CS: variants seen among roughly 807,000 people sequenced by gnomAD.
CS encodes the protein citrate synthase, mitochondrial.
In CS, 13 loss-of-function variants were observed where a neutral mutation model predicts 61.4. The ratio of observed to expected loss-of-function variants is 0.21; its 90% CI spans 0.14 to 0.34. The LOEUF is 0.34. CS is among the 10% of genes least tolerant of loss of function. The pLI, the probability that CS is intolerant of heterozygous loss-of-function variation, is 1.00. For synonymous variants in CS, 159 were observed against 215.2 expected (o/e 0.74, Z 2.29); for missense variants, 278 against 573.4 (o/e 0.48, Z 5.26).
chr12:56,288,344 G>GA (rs1171647001), intron 1 of CS, among the ~76,000 whole-genome samples: 1 of 144,240 alleles, frequency 6.9e-6, no homozygotes, highest in African/African-American at 2.5e-5. Flanking sequence ...AGGCTTTTTA[G>GA]AATTTTTTTT....
intron 7 of CS, 56 bp from the exon 8 acceptor site, chr12:56,275,187 A>T (rs1245228015): frequency 6.2e-7 from 1 of 1,609,438 alleles, no homozygotes; most frequent in African/African-American, 1.3e-5. Flanking sequence ...AGATTATGGA[A>T]ACTTTGCTGT....
Position 56,295,951 on chromosome 12 carries a change from C to CAAAAAAAAAAA in CS, c.42+4198_42+4208dup, listed in dbSNP as rs71081343. On this transcript the variant is annotated intron_variant, in intron 1 of 10. Coordinates refer to ENST00000351328, the MANE Select transcript of CS (RefSeq NM_004077.3). ...CCTAGGCGACAGAGCGAAACTGTCT[C>CAAAAAAAAAAA]AAAAAAAAAAAAAAAAAAAAAAAAA... Among the ~76,000 whole-genome samples the CAAAAAAAAAAA allele has an allele frequency of 5.1e-3, 205 of 40,536 alleles. 1 individual carries two copies. The highest frequency in any genetic ancestry group is 6.9e-3 in the Non-Finnish European group (179 of 26,020). 26.6% of individuals were successfully genotyped at this position (40,536 alleles called of 152,430 possible).
At position 56,272,023 on chromosome 12, in the gene CS, A is replaced by G. The variant is rs1485611835; in HGVS notation, c.*1061T>C. 4.8e-6 allele frequency: 2 copies of G among 414,408 alleles called. No homozygotes were observed. Among genetic ancestry groups the G allele is most frequent in the African/African-American group, 4.1e-5 (2 of 48,534 alleles). 25.7% of individuals were successfully genotyped at this position (414,408 alleles called of 1,614,324 possible). On this transcript the variant is annotated 3_prime_UTR_variant, in exon 11 of 11. Transcript: ENST00000351328. The stretch of plus-strand genomic sequence containing the variant: ...TGATAAATAAGGAGGCAATTTCTTG[A>G]GGCAGGGGACGAGGAGGGAGGCTTA...
chr12:56,290,619 T>C (rs1393466137), intron 1 of CS, among the ~76,000 whole-genome samples: 1 of 152,154 alleles, frequency 6.6e-6, no homozygotes. Flanking sequence ...CAGCAATTCA[T>C]TGGTAAGATT....
In CS at chr12:56,273,061, T is replaced by A. The variant is rs754399171; in HGVS notation, c.*23A>T. 9 of 1,576,408 alleles carry A rather than the reference T, an allele frequency of 5.7e-6. No homozygotes were observed. The highest frequency in any genetic ancestry group is 1.7e-4 in the Middle Eastern group (1 of 5,822). The stretch of plus-strand genomic sequence containing the variant: ...TTTAGGCTTCCTCACTTTCTGGTAG[T>A]CACTTTCACCCAGTCTCCAGTTTTA... On this transcript the variant is annotated 3_prime_UTR_variant, in exon 11 of 11. Coordinates refer to ENST00000351328, the MANE Select transcript of CS (RefSeq NM_004077.3).
chr12:56,283,907 A>G, intron 3 of CS, 50 bp from the exon 4 acceptor site: 3 of 1,382,522 alleles, frequency 2.2e-6, no homozygotes, highest in African/African-American at 1.4e-5. Context: ...GTGGCCAGTA[A>G]TCAGAATGAT....
intron 1 of CS, among the ~76,000 whole-genome samples, chr12:56,288,646 G>A (rs1380107520): frequency 2.0e-5 from 3 of 151,718 alleles, no homozygotes; most frequent in African/African-American, 7.3e-5. Context: ...TTGGGACGGA[G>A]AGGAGGAATG....
chr12:56,275,758 AG>A, intron 7 of CS: 4 of 552,326 alleles, frequency 7.2e-6, no homozygotes, highest in Non-Finnish European at 1.3e-5. Context: ...GTGAGCAGCT[AG>A]TACCTTTTCC....
intron 6 of CS, among the ~76,000 whole-genome samples, chr12:56,279,945 G>T (rs1442563556): frequency 6.6e-6 from 1 of 151,726 alleles, no homozygotes; most frequent in Admixed American, 6.6e-5. Flanking sequence ...TCCAGCCTGG[G>T]CAACAGAGCG....
At chr12:56,287,349 G>C (rs1033045889) in intron 1 of CS, among the ~76,000 whole-genome samples, 2 of 151,834 alleles carry the variant, frequency 1.3e-5, no homozygotes, top group African/African-American at 2.4e-5. Flanking sequence ...CGTGGTATGG[G>C]CAGGCAGCTG....
In CS at chr12:56,282,408, C is replaced by A. The variant is rs1227852699; in HGVS notation, c.588+12G>T. 7.6e-6 allele frequency: 12 copies of A among 1,570,718 alleles called. No individual in the cohort carries two copies. Among genetic ancestry groups the A allele is most frequent in the Non-Finnish European group, 1.0e-5 (12 of 1,156,346 alleles). On this transcript the variant is annotated intron_variant, in intron 6 of 10. Transcript: ENST00000351328. ...CCCATCACACACCGATCACCCCACC[C>A]AAATTTCCTACCTCCCAGTACTTGG...
At chr12:56,279,915 C>T (rs548083881) in intron 6 of CS, among the ~76,000 whole-genome samples, 1 of 151,676 alleles carries the variant, frequency 6.6e-6, no homozygotes, top group South Asian at 2.1e-4. Context: ...TTGTGGTGAG[C>T]TGAGATTGTG....
intron 9 of CS, 85 bp downstream of exon 9, chr12:56,274,692 A>G: frequency 2.1e-6 from 2 of 973,020 alleles, no homozygotes; most frequent in South Asian, 1.9e-5. Context: ...TAATTTAGGG[A>G]CCTCTTTCAT....
chr12:56,289,239 C>CA (rs963736503), intron 1 of CS, among the ~76,000 whole-genome samples: 7 of 151,906 alleles, frequency 4.6e-5, no homozygotes, highest in African/African-American at 1.7e-4. Flanking sequence ...CTTTCTTTCA[C>CA]AAAAAAAGTG....
At position 56,273,428 on chromosome 12, in the gene CS, C is replaced by T. The variant is rs535687762; in HGVS notation, c.1230+159G>A. 6.1e-6 allele frequency: 6 copies of T among 977,328 alleles called. No individual in the cohort carries two copies. The East Asian group carries it at 1.6e-4, about 26-fold the overall frequency. The allele number at this position is 977,328 out of a possible 1,614,324, so 60.5% of individuals were successfully genotyped here. On this transcript the variant is annotated intron_variant, in intron 10 of 10. Coordinates refer to ENST00000351328, the MANE Select transcript of CS (RefSeq NM_004077.3). ...AGTATAGCAATTGGGATTCTGAAAA[C>T]AGAGCAACCCCAACCCCCAACCCTC...
At chr12:56,285,158 C>G (rs1048509185) in intron 3 of CS, 1 of 271,304 alleles carries the variant, frequency 3.7e-6, no homozygotes, top group Non-Finnish European at 7.8e-6. Context: ...GTTGGCCAGG[C>G]TGGTCTCGAA....
chr12:56,290,105 A>C (rs1009964343), intron 1 of CS, among the ~76,000 whole-genome samples: 26 of 152,012 alleles, frequency 1.7e-4, no homozygotes, highest in African/African-American at 6.3e-4. Flanking sequence ...CACGTTGGCC[A>C]GGCTGGTCTC....
chr12:56,283,041 C>T, intron 4 of CS, 50 bp from the exon 5 acceptor site: 1 of 1,604,750 alleles, frequency 6.2e-7, no homozygotes, highest in Non-Finnish European at 8.5e-7. Context: ...GCCTAGAAGT[C>T]ACACGACTGG....
intron 6 of CS, among the ~76,000 whole-genome samples, chr12:56,278,511 C>T (rs756290645): frequency 2.6e-5 from 4 of 152,056 alleles, no homozygotes; most frequent in African/African-American, 7.2e-5. Flanking sequence ...GGCTGAGGAG[C>T]GCGGATCAAG....
Sources: allele counts gnomAD v4.1 joint callset (sites outside exome capture counted in the v4.1 genomes callset), GRCh38; gene constraint gnomAD v4.1.1; transcripts MANE v1.5; gene names NCBI Gene and HGNC (gene_info 2026-07-23, HGNC 2026-07-21).